FTO: variants seen among roughly 807,000 people sequenced by gnomAD.
The protein encoded by FTO is alpha-ketoglutarate-dependent dioxygenase FTO.
Under a neutral mutation model 63.9 loss-of-function variants are expected in FTO, and 47 were observed. That is an observed-to-expected ratio of 0.74 (90% CI 0.58 to 0.94). FTO has a LOEUF of 0.94. Ranked by LOEUF, FTO falls within the 40% of genes least tolerant of loss-of-function variation. FTO has a pLI of 0.00. For missense variants in FTO, 562 were observed against 618.1 expected (o/e 0.91, Z 0.96); for synonymous variants, 207 against 224.4 (o/e 0.92, Z 0.69).
chr16:54,000,886 G>A (rs1358281895), intron 8 of FTO, among the ~76,000 whole-genome samples: 1 of 152,158 alleles, frequency 6.6e-6, no homozygotes, highest in Admixed American at 6.5e-5. Context: ...ACATAAAATA[G>A]AAGTCAGAAA....
At chr16:53,819,316 C>T (rs1029856257) in intron 2 of FTO, among the ~76,000 whole-genome samples, 4 of 152,220 alleles carry the variant, frequency 2.6e-5, no homozygotes, top group East Asian at 1.9e-4. Context: ...ACCACAGGTG[C>T]ATGCCACCAC....
intron 6 of FTO, among the ~76,000 whole-genome samples, chr16:53,882,998 G>T (rs762519672): frequency 3.3e-5 from 5 of 152,096 alleles, no homozygotes; most frequent in Non-Finnish European, 4.4e-5. Context: ...ATTAGTCCCT[G>T]CTGGAGACAT....
At chr16:53,864,103 C>T (rs1260348938) in intron 4 of FTO, among the ~76,000 whole-genome samples, 1 of 152,150 alleles carries the variant, frequency 6.6e-6, no homozygotes, top group Non-Finnish European at 1.5e-5. Flanking sequence ...AAAATGTTTT[C>T]AGCCATGGGT....
chr16:54,056,790 TC>T (rs2085445885), intron 8 of FTO, among the ~76,000 whole-genome samples: 1 of 152,202 alleles, frequency 6.6e-6, no homozygotes, highest in Non-Finnish European at 1.5e-5. Flanking sequence ...AGCCATCAGC[TC>T]CCAAATTCCT....
chr16:53,791,785 G>A (rs2077919034), intron 1 of FTO, among the ~76,000 whole-genome samples: 1 of 152,148 alleles, frequency 6.6e-6, no homozygotes, highest in African/African-American at 2.4e-5. Flanking sequence ...ATAATAAAGC[G>A]TGTATAGGCC....
intron 2 of FTO, among the ~76,000 whole-genome samples, chr16:53,819,177 C>T (rs1410865354): frequency 1.3e-5 from 2 of 151,342 alleles, no homozygotes; most frequent in Non-Finnish European, 2.9e-5. Flanking sequence ...AACTTTGATA[C>T]AGTTAATATT....
intron 8 of FTO, among the ~76,000 whole-genome samples, chr16:54,053,352 C>T (rs1209570217): frequency 6.6e-6 from 1 of 152,220 alleles, no homozygotes; most frequent in South Asian, 2.1e-4. Flanking sequence ...TGTCTCTTAT[C>T]TCTGTCTTGC....
intron 7 of FTO, among the ~76,000 whole-genome samples, chr16:53,893,806 TA>T (rs1221115692): frequency 6.6e-6 from 1 of 152,234 alleles, no homozygotes; most frequent in Non-Finnish European, 1.5e-5. Flanking sequence ...TCTTTTAGAA[TA>T]AAAAGTAGAT....
At chr16:53,948,259 C>T (rs56686164) in intron 8 of FTO, among the ~76,000 whole-genome samples, 3,076 of 152,190 alleles carry the variant, frequency 0.02, 94 homozygotes, top group African/African-American at 0.07. Context: ...AAAGAGGCAC[C>T]GGGCTTTCTG....
At chr16:54,069,098 G>A (rs187733919) in intron 8 of FTO, among the ~76,000 whole-genome samples, 2 of 152,272 alleles carry the variant, frequency 1.3e-5, no homozygotes, top group Non-Finnish European at 1.5e-5. Context: ...CCAGTTTTAT[G>A]TTGGGCTTTT....
At chr16:53,849,205 C>T (rs2079717726) in intron 4 of FTO, among the ~76,000 whole-genome samples, 1 of 152,170 alleles carries the variant, frequency 6.6e-6, no homozygotes, top group Non-Finnish European at 1.5e-5. Flanking sequence ...TAGTGCCTCT[C>T]TTAGTCTCTG....
intron 1 of FTO, among the ~76,000 whole-genome samples, chr16:53,754,807 A>T (rs1054681392): frequency 6.6e-6 from 1 of 152,264 alleles, no homozygotes; most frequent in South Asian, 2.1e-4. Flanking sequence ...TTTCATGATT[A>T]TCCAAGAAGT....
In FTO at chr16:53,928,458, G is replaced by C. The variant is rs146666418; in HGVS notation, c.1240-5527G>C. 3.0e-3 allele frequency among the ~76,000 whole-genome samples: 461 copies of C among 152,262 alleles called. 2 individuals are homozygous for C. Among genetic ancestry groups the C allele is most frequent in the Admixed American group, 7.0e-3 (107 of 15,296 alleles). On this transcript the variant is annotated intron_variant, in intron 7 of 8. Coordinates refer to ENST00000471389, the MANE Select transcript of FTO (RefSeq NM_001080432.3). The stretch of plus-strand genomic sequence containing the variant: ...TGGGGAAGTCAACCCTTGAAAAGCC[G>C]ACACTATTATAAGGAGTAAAAATAT...
chr16:53,853,715 T>C (rs1286305544), intron 4 of FTO, among the ~76,000 whole-genome samples: 1 of 152,222 alleles, frequency 6.6e-6, no homozygotes, highest in Non-Finnish European at 1.5e-5. Flanking sequence ...TTTCTTTATC[T>C]ACTCAACAGT....
At chr16:53,827,364 G>A (rs1255178522) in intron 3 of FTO, among the ~76,000 whole-genome samples, 1 of 152,074 alleles carries the variant, frequency 6.6e-6, no homozygotes, top group Non-Finnish European at 1.5e-5. Flanking sequence ...TTTGGCAAAG[G>A]GATACAAGAC....
intron 1 of FTO, among the ~76,000 whole-genome samples, chr16:53,806,173 G>A (rs1224481800): frequency 6.6e-6 from 1 of 152,168 alleles, no homozygotes; most frequent in African/African-American, 2.4e-5. Flanking sequence ...GTCTGCAATA[G>A]TTTTCCAAAT....
rs925980941 is a variant in FTO at position 53,704,229 on chromosome 16, G to GGTATGTC, written c.45+2_45+8dup. 1 of 1,551,472 alleles carries GGTATGTC rather than the reference G, an allele frequency of 6.4e-7. No individual in the cohort carries two copies. Among genetic ancestry groups the GGTATGTC allele is most frequent in the Admixed American group, 2.0e-5 (1 of 51,002 alleles). On this transcript the variant is annotated frameshift_variant and splice_region_variant. Transcript: ENST00000471389. LOFTEE classifies it high-confidence loss of function. ...CCGAGGAACGAGAGCGCGAAGCTAA[G>GGTATGTC]GTATGTCGGGCTCCCGGGGCCTGGA...
intron 3 of FTO, among the ~76,000 whole-genome samples, chr16:53,832,997 T>C (rs2151792998): frequency 6.6e-6 from 1 of 152,314 alleles, no homozygotes. Flanking sequence ...TGGGCAAATA[T>C]CAACTTGAAT....
intron 8 of FTO, among the ~76,000 whole-genome samples, chr16:54,091,572 G>A (rs905235620): frequency 6.6e-6 from 1 of 152,198 alleles, no homozygotes; most frequent in South Asian, 2.1e-4. Context: ...CAGGGTACAT[G>A]CATATTAGTT....
Sources: gnomAD v4.1 joint callset for allele counts (sites outside exome capture counted in the v4.1 genomes callset) on GRCh38, gnomAD v4.1.1 for gene constraint, MANE v1.5 for transcripts, NCBI Gene and HGNC (gene_info 2026-07-23, HGNC 2026-07-21) for gene names.